ZSWIM6: variants seen among roughly 807,000 people sequenced by gnomAD.
ZSWIM6 encodes the protein zinc finger SWIM domain-containing protein 6.
Under a neutral mutation model 113.2 loss-of-function variants are expected in ZSWIM6, and 9 were observed. That is an observed-to-expected ratio of 0.08 (90% CI 0.05 to 0.14). The LOEUF (loss-of-function observed/expected upper bound fraction) is 0.14. ZSWIM6 is among the 10% of genes least tolerant of loss of function. ZSWIM6 has a pLI of 1.00. For missense variants in ZSWIM6, 1,162 were observed against 1,552.2 expected, an observed-to-expected ratio of 0.75 and a Z score of 4.22; for synonymous variants, 611 against 606.5, an observed-to-expected ratio of 1.01 and a Z score of -0.11.
At position 61,545,875 on chromosome 5, in the gene ZSWIM6, G is replaced by T. The variant is rs1376398266; in HGVS notation, c.*1558G>T. Reference sequence around the variant, plus strand: ...TTTTTAAAGCAATTTTTATGTTTTGGTGCAAAAGTTGTCCAGTGTCTCTTG... The same window carrying T: ...TTTTTAAAGCAATTTTTATGTTTTGTTGCAAAAGTTGTCCAGTGTCTCTTG... On this transcript the variant is annotated 3_prime_UTR_variant, in exon 14 of 14. Transcript: ENST00000252744. 6.6e-6 allele frequency: 1 copy of T among 151,894 alleles called. No homozygotes were observed. Among genetic ancestry groups the T allele is most frequent in the African/African-American group, 2.4e-5 (1 of 41,342 alleles). The allele number at this position is 151,894 out of a possible 1,614,324, so 9.4% of individuals were successfully genotyped here. A position where few individuals can be genotyped will look rare whatever the true frequency, so the allele number is the denominator to read the frequency against.
intron 1 of ZSWIM6, among the ~76,000 whole-genome samples, chr5:61,358,155 TG>T (rs1367731070): frequency 1.3e-5 from 2 of 152,238 alleles, no homozygotes; most frequent in African/African-American, 4.8e-5. Context: ...CTGTTCTTTT[TG>T]TTTCAATTGT....
At chr5:61,394,983 CT>C (rs1268218860) in intron 1 of ZSWIM6, among the ~76,000 whole-genome samples, 4 of 152,096 alleles carry the variant, frequency 2.6e-5, no homozygotes, top group East Asian at 3.9e-4. Context: ...CATCATGAGG[CT>C]TTAATTAGCT....
At chr5:61,373,394 T>C (rs1745306598) in intron 1 of ZSWIM6, among the ~76,000 whole-genome samples, 1 of 148,994 alleles carries the variant, frequency 6.7e-6, no homozygotes, top group Admixed American at 6.7e-5. Flanking sequence ...TTTTTTTTTT[T>C]TGAGACGGAG....
chr5:61,370,979 A>G (rs577547563), intron 1 of ZSWIM6, among the ~76,000 whole-genome samples: 1 of 152,240 alleles, frequency 6.6e-6, no homozygotes, highest in South Asian at 2.1e-4. Context: ...CCTCTTTTTC[A>G]TCAGTTGGTA....
chr5:61,332,336 G>GGCGGGGGCAGCA lies in ZSWIM6; in HGVS notation c.68_69insGGGCAGCAGCGG (p.Gly24_Gly25insSerSerGlyGly), dbSNP rs1744266612. ...GCTTTGCTGCCGGCCGGGCGGCGGC[G>GGCGGGGGCAGCA]GCGGCGGCGGGGGCAGCAGCGGCGG... On this transcript the variant is annotated inframe_insertion, in exon 1 of 14. Transcript: ENST00000252744. The GGCGGGGGCAGCA allele has an allele frequency of 9.3e-7, 1 of 1,071,808 alleles. No homozygotes were observed. Among genetic ancestry groups the GGCGGGGGCAGCA allele is most frequent in the Admixed American group, 5.3e-5 (1 of 18,990 alleles). The allele number at this position is 1,071,808 out of a possible 1,614,324, so 66.4% of individuals were successfully genotyped here. A position where few individuals can be genotyped will look rare whatever the true frequency, so the allele number is the denominator to read the frequency against.
At chr5:61,438,894 T>G (rs565885998) in intron 1 of ZSWIM6, among the ~76,000 whole-genome samples, 2 of 152,202 alleles carry the variant, frequency 1.3e-5, no homozygotes, top group Non-Finnish European at 2.9e-5. Context: ...TTTATAACTC[T>G]TGGGGGTAAA....
chr5:61,445,431 A>G (rs1046715388), intron 1 of ZSWIM6, among the ~76,000 whole-genome samples: 30 of 152,200 alleles, frequency 2.0e-4, no homozygotes, highest in African/African-American at 2.4e-4. Flanking sequence ...AGAATCCTCA[A>G]ATCAGTGCAA....
At chr5:61,522,093 G>GT (rs137971657) in intron 5 of ZSWIM6, among the ~76,000 whole-genome samples, 22,574 of 139,214 alleles carry the variant, frequency 0.16, 1,795 homozygotes, top group Non-Finnish European at 0.2. Context: ...TTTTTTGTTT[G>GT]TTTTTTTTTG....
intron 1 of ZSWIM6, among the ~76,000 whole-genome samples, chr5:61,417,085 T>C (rs1272129243): frequency 6.6e-6 from 1 of 152,048 alleles, no homozygotes; most frequent in Non-Finnish European, 1.5e-5. Flanking sequence ...GAGGTTGCAG[T>C]GAGCCGAGAT....
Position 61,473,328 on chromosome 5 carries a change from C to T in ZSWIM6, c.1033+291C>T, listed in dbSNP as rs549640530. Among the ~76,000 whole-genome samples, 414 of 152,238 alleles carry T rather than the reference C, an allele frequency of 2.7e-3. 1 individual carries two copies. The highest frequency in any genetic ancestry group is 5.1e-3 in the Non-Finnish European group (347 of 68,020). The stretch of plus-strand genomic sequence containing the variant: ...TACTAGATATTAGTTATGCAGAACA[C>T]TTACTTAATTCACCCTTGTCAATAC... On this transcript the variant is annotated intron_variant, in intron 2 of 13. Transcript: ENST00000252744.
chr5:61,343,427 T>C (rs1408477707), intron 1 of ZSWIM6, among the ~76,000 whole-genome samples: 1 of 152,260 alleles, frequency 6.6e-6, no homozygotes, highest in Non-Finnish European at 1.5e-5. Flanking sequence ...AGATACCATG[T>C]AGAATAAGTC....
chr5:61,493,622 A>G (rs574462184), intron 3 of ZSWIM6, among the ~76,000 whole-genome samples: 104 of 152,220 alleles, frequency 6.8e-4, no homozygotes, highest in African/African-American at 2.5e-3. Context: ...GTTTGTTTTG[A>G]TATTGTATTT....
At chr5:61,516,799 G>T (rs1473239343) in intron 4 of ZSWIM6, among the ~76,000 whole-genome samples, 4 of 151,348 alleles carry the variant, frequency 2.6e-5, no homozygotes, top group Non-Finnish European at 5.9e-5. Flanking sequence ...ATTTCTCCTC[G>T]GCATAAAGAA....
At chr5:61,454,985 A>G (rs1236931400) in intron 1 of ZSWIM6, among the ~76,000 whole-genome samples, 3 of 150,574 alleles carry the variant, frequency 2.0e-5, no homozygotes, top group Non-Finnish European at 4.4e-5. Flanking sequence ...GCATTCCTTT[A>G]AGGAGCTTTG....
intron 4 of ZSWIM6, among the ~76,000 whole-genome samples, chr5:61,504,538 G>C (rs1345187647): frequency 6.6e-6 from 1 of 152,172 alleles, no homozygotes; most frequent in Non-Finnish European, 1.5e-5. Flanking sequence ...AGAAAAGTCA[G>C]TGCATTAAGA....
chr5:61,497,233 C>T (rs1212932258), intron 4 of ZSWIM6, among the ~76,000 whole-genome samples: 1 of 152,104 alleles, frequency 6.6e-6, no homozygotes, highest in Non-Finnish European at 1.5e-5. Flanking sequence ...GATTGTCAGC[C>T]AGAAGATTAC....
chr5:61,464,165 T>C (rs1747377808), intron 1 of ZSWIM6, among the ~76,000 whole-genome samples: 1 of 111,244 alleles, frequency 9.0e-6, no homozygotes, highest in South Asian at 3.1e-4. Context: ...CTAATTTTTT[T>C]TTTTTTTTTT....
intron 4 of ZSWIM6, among the ~76,000 whole-genome samples, chr5:61,495,277 C>G (rs922598097): frequency 2.0e-5 from 3 of 152,008 alleles, no homozygotes; most frequent in Non-Finnish European, 4.4e-5. Flanking sequence ...CGTGAAGATA[C>G]CAAATGACCA....
intron 1 of ZSWIM6, among the ~76,000 whole-genome samples, chr5:61,379,856 A>G (rs1051692552): frequency 4.6e-5 from 7 of 152,174 alleles, no homozygotes; most frequent in African/African-American, 1.7e-4. Flanking sequence ...TAGGGTAGGT[A>G]GGAGATCCAG....
Sources: gnomAD v4.1 joint callset for allele counts (sites outside exome capture counted in the v4.1 genomes callset) on GRCh38, gnomAD v4.1.1 for gene constraint, MANE v1.5 for transcripts, NCBI Gene and HGNC (gene_info 2026-07-23, HGNC 2026-07-21) for gene names.